ALX4: variants seen among roughly 807,000 people sequenced by gnomAD.
ALX4 encodes the protein ALX homeobox 4.
In ALX4, 22 loss-of-function variants were observed where a neutral mutation model predicts 40.6. That is an observed-to-expected ratio of 0.54 (90% CI 0.39 to 0.77). The LOEUF is 0.77. Ranked by LOEUF, ALX4 falls within the 30% of genes least tolerant of loss-of-function variation. The pLI is 0.00. For synonymous variants in ALX4, 266 were observed against 240.5 expected (o/e 1.11, Z -0.98); for missense variants, 556 against 564.8 (o/e 0.98, Z 0.16).
At chr11:44,294,132 CAGG>C (rs1431918861) in intron 1 of ALX4, among the ~76,000 whole-genome samples, 1 of 152,250 alleles carries the variant, frequency 6.6e-6, no homozygotes, top group East Asian at 1.9e-4. Flanking sequence ...TCTTTGGCTT[CAGG>C]AGATCTGGGT....
intron 1 of ALX4, among the ~76,000 whole-genome samples, chr11:44,300,317 G>T (rs1956427850): frequency 6.6e-6 from 1 of 152,218 alleles, no homozygotes; most frequent in Admixed American, 6.5e-5. Flanking sequence ...GGGGAGCCAT[G>T]CAGTAGAGCT....
intron 2 of ALX4, among the ~76,000 whole-genome samples, chr11:44,271,670 C>T (rs1034130141): frequency 1.1e-4 from 17 of 152,294 alleles, no homozygotes; most frequent in Non-Finnish European, 1.8e-4. Context: ...TGTAAGCTAC[C>T]TCAACTCCAT....
At position 44,263,806 on chromosome 11, in the gene ALX4, G is replaced by C. The variant is rs532888348; in HGVS notation, c.*1048C>G. On this transcript the variant is annotated 3_prime_UTR_variant, in exon 4 of 4. Coordinates refer to ENST00000652299, the MANE Select transcript of ALX4 (RefSeq NM_021926.4). ...CCCCAAGCTCTAGCTTATGTGTTCCGAAGTTGTGAGTCCTTCCATGCCGGG... is the reference window on the plus strand; with the variant it reads ...CCCCAAGCTCTAGCTTATGTGTTCCCAAGTTGTGAGTCCTTCCATGCCGGG... 2.0e-5 allele frequency: 3 copies of C among 152,368 alleles called. No individual in the cohort carries two copies. The highest frequency in any genetic ancestry group is 6.5e-5 in the Admixed American group (1 of 15,290). 9.4% of individuals were successfully genotyped at this position (152,368 alleles called of 1,614,324 possible).
At position 44,294,234 on chromosome 11, in the gene ALX4, C is replaced by G. The variant is rs189862578; in HGVS notation, c.466+15363G>C. Among the ~76,000 whole-genome samples the G allele has an allele frequency of 9.3e-4, 141 of 152,320 alleles. 1 individual carries two copies. The highest frequency in any genetic ancestry group is 1.5e-3 in the Non-Finnish European group (100 of 68,026). On this transcript the variant is annotated intron_variant, in intron 1 of 3. Coordinates refer to ENST00000652299, the MANE Select transcript of ALX4 (RefSeq NM_021926.4). ...GTGGGTTTCCACAAAAAGTCTCAGT[C>G]CAGGTGTGGCCAAGGGCAATGCCCA...
rs200251401 is a variant in ALX4, at chr11:44,265,231, G to A, written c.907-48C>T. 1,124 of 1,530,012 alleles carry A rather than the reference G, an allele frequency of 7.3e-4. 3 individuals carry two copies. The African/African-American group carries it at 0.014, about 18-fold the overall frequency. The allele number at this position is 1,530,012 out of a possible 1,614,324, so 94.8% of individuals were successfully genotyped here. A position where few individuals can be genotyped will look rare whatever the true frequency, so the allele number is the denominator to read the frequency against. On this transcript the variant is annotated intron_variant, in intron 3 of 3. Coordinates refer to ENST00000652299, the MANE Select transcript of ALX4 (RefSeq NM_021926.4). ...TCACCGGCTGGCGGGCAGGTGTGGT[G>A]TGGAAGGGGCTCGCCCCTTCCCCCA...
intron 1 of ALX4, among the ~76,000 whole-genome samples, chr11:44,297,976 C>A (rs550377973): frequency 9.2e-5 from 14 of 152,328 alleles, no homozygotes; most frequent in Admixed American, 3.9e-4. Context: ...AATCCATTCA[C>A]CTTCCCTGGG....
In ALX4 at chr11:44,309,974, C is replaced by T. The variant is rs370055325; in HGVS notation, c.89G>A (p.Gly30Asp). ...GGGAAATGCCCTAAAAGGCGACGAGCCCTCCCGACTCTGCGACACCGGGCT... is the reference window on the plus strand; with the variant it reads ...GGGAAATGCCCTAAAAGGCGACGAGTCCTCCCGACTCTGCGACACCGGGCT... ...YYSPVSQSREGSSPFRAFPGG... is the reference protein window; with the variant it reads ...YYSPVSQSREDSSPFRAFPGG... Residue 30 changes from glycine to aspartate, a missense_variant, in exon 1 of 4, where the codon GGC (glycine) becomes GAC (aspartate). Coordinates refer to ENST00000652299, the MANE Select transcript of ALX4 (RefSeq NM_021926.4). The T allele has an allele frequency of 9.4e-6, 15 of 1,597,908 alleles. No individual in the cohort carries two copies. The highest frequency in any genetic ancestry group is 6.9e-5 in the Admixed American group (4 of 57,910).
At chr11:44,282,454 C>A (rs2085034) in intron 1 of ALX4, among the ~76,000 whole-genome samples, 50,144 of 151,972 alleles carry the variant, frequency 0.33, 8,878 homozygotes, top group African/African-American at 0.46. Context: ...ACCCAGCAAT[C>A]CCACTCCTAG....
chr11:44,295,369 A>C (rs3853292), intron 1 of ALX4, among the ~76,000 whole-genome samples: 139,693 of 152,300 alleles, frequency 0.92, 64,131 homozygotes, highest in Admixed American at 0.93. Flanking sequence ...CCTGTGTAGC[A>C]CAATTGTGGA....
intron 1 of ALX4, among the ~76,000 whole-genome samples, chr11:44,282,330 T>C (rs892650614): frequency 2.7e-5 from 4 of 147,192 alleles, no homozygotes; most frequent in Non-Finnish European, 4.6e-5. Flanking sequence ...ACAGTGGGAA[T>C]AAGACCTGAT....
At chr11:44,280,847 G>A (rs1395140238) in intron 1 of ALX4, among the ~76,000 whole-genome samples, 1 of 152,206 alleles carries the variant, frequency 6.6e-6, no homozygotes. Flanking sequence ...TTCTCAATCG[G>A]GAGCCACTGA....
intron 1 of ALX4, among the ~76,000 whole-genome samples, chr11:44,292,816 C>A (rs560030648): frequency 7.3e-4 from 111 of 152,136 alleles, no homozygotes; most frequent in African/African-American, 2.6e-3. Context: ...GTTCTTTTGG[C>A]CCCGCATGGT....
rs1303007445 is a variant in ALX4, at chr11:44,262,850, G to C, written c.*2004C>G. The C allele has an allele frequency of 6.6e-6, 1 of 152,220 alleles. No individual in the cohort carries two copies. Among genetic ancestry groups the C allele is most frequent in the Non-Finnish European group, 1.5e-5 (1 of 68,044 alleles). 9.4% of individuals were successfully genotyped at this position (152,220 alleles called of 1,614,324 possible). On this transcript the variant is annotated 3_prime_UTR_variant, in exon 4 of 4. Transcript: ENST00000652299. Reference sequence around the variant, plus strand: ...CTTTCCCTGGCTAGATTTTGGGGGAGTCTGGGTCATTTCAGCGAACCTCAG... The same window carrying C: ...CTTTCCCTGGCTAGATTTTGGGGGACTCTGGGTCATTTCAGCGAACCTCAG...
intron 3 of ALX4, among the ~76,000 whole-genome samples, chr11:44,265,984 G>T (rs1201598930): frequency 6.6e-6 from 1 of 152,162 alleles, no homozygotes; most frequent in Admixed American, 6.5e-5. Context: ...GGGGAGACCC[G>T]GGAACCTCTC....
At chr11:44,279,761 T>A (rs1261585142) in intron 1 of ALX4, among the ~76,000 whole-genome samples, 1 of 152,180 alleles carries the variant, frequency 6.6e-6, no homozygotes, top group Non-Finnish European at 1.5e-5. Context: ...TGACTGCCTA[T>A]GTTTGCTGAC....
chr11:44,288,893 C>G (rs1956354199), intron 1 of ALX4, among the ~76,000 whole-genome samples: 2 of 152,226 alleles, frequency 1.3e-5, no homozygotes, highest in South Asian at 4.1e-4. Context: ...TAAACTTTGT[C>G]CAGCCCTCAG....
rs146604738 is a variant in ALX4, at chr11:44,279,921, G to A, written c.467-4263C>T. Among the ~76,000 whole-genome samples the A allele has an allele frequency of 8.0e-3, 1,219 of 152,028 alleles. 10 individuals carry two copies. The highest frequency in any genetic ancestry group is 0.027 in the Middle Eastern group (8 of 294). On this transcript the variant is annotated intron_variant, in intron 1 of 3. Coordinates refer to ENST00000652299, the MANE Select transcript of ALX4 (RefSeq NM_021926.4). The stretch of plus-strand genomic sequence containing the variant: ...AGAGATGCAGTAAGAGGTTGCTGAG[G>A]AATAAATGAACAATTTCTAACTAAC...
intron 1 of ALX4, among the ~76,000 whole-genome samples, chr11:44,308,199 CGT>C (rs1182121634): frequency 1.3e-5 from 2 of 152,008 alleles, no homozygotes; most frequent in African/African-American, 4.8e-5. Flanking sequence ...ATGCTCTCTG[CGT>C]GTGTGTGTGT....
At chr11:44,293,185 A>G (rs1590700136) in intron 1 of ALX4, among the ~76,000 whole-genome samples, 2 of 40,706 alleles carry the variant, frequency 4.9e-5, no homozygotes. Context: ...GCAGGCAGGG[A>G]GGGAGGGAGG....
Sources: allele counts gnomAD v4.1 joint callset (sites outside exome capture counted in the v4.1 genomes callset), GRCh38; gene constraint gnomAD v4.1.1; transcripts MANE v1.5; gene names NCBI Gene and HGNC (gene_info 2026-07-23, HGNC 2026-07-21).